Variants in PTPRD observed in about 807,000 individuals in gnomAD.
The protein encoded by PTPRD is receptor-type tyrosine-protein phosphatase delta.
A neutral mutation model predicts 214.5 loss-of-function variants in PTPRD; 34 were observed. That is an observed-to-expected ratio of 0.16 (90% CI 0.12 to 0.21). The LOEUF is 0.21. Ranked by LOEUF, PTPRD falls within the 10% of genes least tolerant of loss-of-function variation. The pLI is 1.00. For synonymous variants in PTPRD, 1,128 were observed against 845.7 expected (o/e 1.33, Z -5.79); for missense variants, 2,545 against 2,398.7 (o/e 1.06, Z -1.27).
intron 4 of PTPRD, among the ~76,000 whole-genome samples, chr9:9,954,313 A>C (rs1321685557): frequency 6.9e-6 from 1 of 145,554 alleles, no homozygotes; most frequent in Non-Finnish European, 1.6e-5. Context: ...AAAAAAAAAA[A>C]AAAAAAAAAA....
At chr9:10,539,664 T>G (rs1375042237) in intron 2 of PTPRD, among the ~76,000 whole-genome samples, 1 of 152,292 alleles carries the variant, frequency 6.6e-6, no homozygotes, top group East Asian at 1.9e-4. Context: ...CCCTACTCTG[T>G]GAGCACACAA....
At chr9:9,805,635 C>A (rs1003773647) in intron 5 of PTPRD, among the ~76,000 whole-genome samples, 10 of 152,002 alleles carry the variant, frequency 6.6e-5, no homozygotes, top group Non-Finnish European at 1.2e-4. Context: ...ACTTTTATGC[C>A]TTTATTATTG....
At chr9:9,588,281 C>T (rs942286935) in intron 7 of PTPRD, among the ~76,000 whole-genome samples, 3 of 151,876 alleles carry the variant, frequency 2.0e-5, no homozygotes, top group African/African-American at 2.4e-5. Flanking sequence ...CATAAATGAC[C>T]TGCTGATTTC....
chr9:8,518,783 T>C (rs2097835703), intron 20 of PTPRD, among the ~76,000 whole-genome samples: 1 of 152,210 alleles, frequency 6.6e-6, no homozygotes, highest in Admixed American at 6.5e-5. Flanking sequence ...TACAGCTGTA[T>C]GTAACTGTAT....
At chr9:9,983,137 T>C (rs1200644404) in intron 4 of PTPRD, among the ~76,000 whole-genome samples, 1 of 152,008 alleles carries the variant, frequency 6.6e-6, no homozygotes, top group African/African-American at 2.4e-5. Context: ...GCAAATCAAA[T>C]GTACCGATGC....
At chr9:8,360,589 T>C (rs905368062) in intron 39 of PTPRD, among the ~76,000 whole-genome samples, 7 of 152,206 alleles carry the variant, frequency 4.6e-5, no homozygotes, top group Non-Finnish European at 8.8e-5. Context: ...TTGAAGGAGA[T>C]ACCATACTCT....
intron 41 of PTPRD, 90 bp from the exon 42 acceptor site, chr9:8,340,559 A>C (rs1312209650): frequency 7.8e-7 from 1 of 1,275,352 alleles, no homozygotes; most frequent in Non-Finnish European, 1.0e-6. Flanking sequence ...ACCTGCTAAT[A>C]AAAAACGAAA....
chr9:8,383,220 A>G (rs1392624191), intron 37 of PTPRD, among the ~76,000 whole-genome samples: 1 of 133,594 alleles, frequency 7.5e-6, no homozygotes, highest in Non-Finnish European at 1.5e-5. Flanking sequence ...TTTTAGCCAT[A>G]GAACAAAATG....
chr9:9,878,806 T>A (rs915684420), intron 5 of PTPRD, among the ~76,000 whole-genome samples: 1 of 152,172 alleles, frequency 6.6e-6, no homozygotes, highest in Non-Finnish European at 1.5e-5. Context: ...TTTTATCACA[T>A]GTATTATTAG....
chr9:8,611,804 A>AAGAGGAGAGGAGAGG (rs141425353), intron 14 of PTPRD, among the ~76,000 whole-genome samples: 9 of 145,566 alleles, frequency 6.2e-5, no homozygotes, highest in South Asian at 2.3e-4. Context: ...GAAAAGAAAA[A>AAGAGGAGAGGAGAGG]AGAGGAGAGG....
At chr9:8,583,413 G>A (rs769969534) in intron 14 of PTPRD, among the ~76,000 whole-genome samples, 1 of 152,102 alleles carries the variant, frequency 6.6e-6, no homozygotes, top group African/African-American at 2.4e-5. Flanking sequence ...TTGAACTCCT[G>A]GGCTCAAGAA....
At chr9:9,904,562 T>G (rs1420975768) in intron 5 of PTPRD, among the ~76,000 whole-genome samples, 1 of 151,986 alleles carries the variant, frequency 6.6e-6, no homozygotes, top group East Asian at 1.9e-4. Flanking sequence ...GCCACAGTAA[T>G]TTTTTTAGCC....
At chr9:8,656,462 A>G (rs2096911174) in intron 12 of PTPRD, among the ~76,000 whole-genome samples, 1 of 152,104 alleles carries the variant, frequency 6.6e-6, no homozygotes, top group African/African-American at 2.4e-5. Flanking sequence ...GGCCTCTCTC[A>G]TGGCCAGAAG....
At chr9:8,469,281 G>C (rs1438695369) in intron 31 of PTPRD, among the ~76,000 whole-genome samples, 1 of 152,012 alleles carries the variant, frequency 6.6e-6, no homozygotes, top group East Asian at 1.9e-4. Context: ...CTACAAAAGA[G>C]AATCACTTTC....
chr9:8,786,994 G>A (rs960471263), intron 11 of PTPRD, among the ~76,000 whole-genome samples: 4 of 151,914 alleles, frequency 2.6e-5, no homozygotes, highest in Non-Finnish European at 4.4e-5. Flanking sequence ...GCACCACCAC[G>A]CCCAGCTAAT....
At chr9:8,571,624 C>T (rs2091177498) in intron 14 of PTPRD, among the ~76,000 whole-genome samples, 1 of 152,088 alleles carries the variant, frequency 6.6e-6, no homozygotes. Flanking sequence ...TGAGCAAAGC[C>T]ATATTAGAAT....
At chr9:9,338,362 G>C (rs953868231) in intron 9 of PTPRD, among the ~76,000 whole-genome samples, 2 of 152,140 alleles carry the variant, frequency 1.3e-5, no homozygotes, top group Admixed American at 1.3e-4. Flanking sequence ...ATAGGTATCT[G>C]AAAGGCATAT....
chr9:9,030,666 GT>G (rs927161827), intron 10 of PTPRD, among the ~76,000 whole-genome samples: 2 of 151,492 alleles, frequency 1.3e-5, no homozygotes, highest in African/African-American at 2.4e-5. Flanking sequence ...TGTCATCATT[GT>G]TTTTTTTATT....
chr9:8,673,692 C>T (rs2097336263), intron 12 of PTPRD, among the ~76,000 whole-genome samples: 1 of 151,994 alleles, frequency 6.6e-6, no homozygotes, highest in African/African-American at 2.4e-5. Flanking sequence ...TTCTCTTATT[C>T]TGAATGCAAA....
Sources: gnomAD v4.1 joint callset for allele counts (sites outside exome capture counted in the v4.1 genomes callset) on GRCh38, gnomAD v4.1.1 for gene constraint, MANE v1.5 for transcripts, NCBI Gene and HGNC (gene_info 2026-07-23, HGNC 2026-07-21) for gene names.